Variants in HMGCLL1 observed in about 807,000 individuals in gnomAD.
The protein encoded by HMGCLL1 is 3-hydroxy-3-methylglutaryl-CoA lyase like 1.
HMGCLL1 carries 36 observed loss-of-function variants against 39.1 expected under a neutral mutation model. The ratio of observed to expected loss-of-function variants is 0.92; its 90% CI spans 0.71 to 1.22. HMGCLL1 has a LOEUF of 1.22. Ranked by LOEUF, HMGCLL1 falls within the 50% of genes most tolerant of loss-of-function variation. The pLI, the probability that HMGCLL1 is intolerant of heterozygous loss-of-function variation, is 0.00. For synonymous variants in HMGCLL1, 149 were observed against 144.0 expected (o/e 1.03, Z -0.25); for missense variants, 451 against 416.5 (o/e 1.08, Z -0.72).
intron 3 of HMGCLL1, among the ~76,000 whole-genome samples, chr6:55,517,527 A>T (rs971514152): frequency 1.3e-5 from 2 of 152,200 alleles, no homozygotes; most frequent in East Asian, 3.9e-4. Flanking sequence ...TCAATATAGA[A>T]ATGCAGAAAA....
At chr6:55,505,060 T>C (rs921087470) in intron 5 of HMGCLL1, among the ~76,000 whole-genome samples, 37 of 151,812 alleles carry the variant, frequency 2.4e-4, no homozygotes, top group Admixed American at 7.2e-4. Context: ...AATTGTTTTA[T>C]TTGTATTTGT....
intron 7 of HMGCLL1, among the ~76,000 whole-genome samples, chr6:55,444,647 T>G (rs1254257891): frequency 6.6e-6 from 1 of 152,030 alleles, no homozygotes; most frequent in Non-Finnish European, 1.5e-5. Flanking sequence ...TGATCATGGG[T>G]GCTATGATTA....
intron 1 of HMGCLL1, among the ~76,000 whole-genome samples, chr6:55,542,405 A>C (rs1248752460): frequency 6.6e-6 from 1 of 152,116 alleles, no homozygotes; most frequent in Non-Finnish European, 1.5e-5. Flanking sequence ...AGAATAATTG[A>C]TTTACTCAGG....
intron 7 of HMGCLL1, among the ~76,000 whole-genome samples, chr6:55,477,262 T>A (rs1366063134): frequency 1.4e-4 from 3 of 21,724 alleles, no homozygotes; most frequent in African/African-American, 9.4e-4. Flanking sequence ...ATAATATATA[T>A]TATATAATAT....
At chr6:55,535,444 AC>A (rs1487806248) in intron 3 of HMGCLL1, among the ~76,000 whole-genome samples, 3 of 152,176 alleles carry the variant, frequency 2.0e-5, no homozygotes, top group Admixed American at 1.3e-4. Flanking sequence ...TATGTGGAAG[AC>A]CCACAGTTGC....
At chr6:55,505,704 GA>G (rs960320333) in intron 5 of HMGCLL1, among the ~76,000 whole-genome samples, 5 of 151,302 alleles carry the variant, frequency 3.3e-5, no homozygotes, top group African/African-American at 4.8e-5. Flanking sequence ...GCAAAGTTTA[GA>G]AAAAAAATTT....
intron 3 of HMGCLL1, among the ~76,000 whole-genome samples, chr6:55,517,060 C>G (rs973295002): frequency 6.6e-6 from 1 of 152,006 alleles, no homozygotes; most frequent in Non-Finnish European, 1.5e-5. Flanking sequence ...TTCTTTAGAA[C>G]AGTTTAACAA....
At chr6:55,616,753 A>T in the HMGCLL1 span, among the ~76,000 whole-genome samples, 6 of 152,128 alleles carry the variant, frequency 3.9e-5, no homozygotes. Context: ...AAAACAATTT[A>T]AAAAATTAAA....
the HMGCLL1 span, among the ~76,000 whole-genome samples, chr6:55,587,105 A>T: frequency 2.0e-5 from 3 of 152,126 alleles, no homozygotes; most frequent in African/African-American, 7.2e-5. Context: ...GTGAGATGGT[A>T]TCTCAATGTG....
chr6:55,550,435 G>C (rs1334957613), intron 1 of HMGCLL1, among the ~76,000 whole-genome samples: 1 of 151,862 alleles, frequency 6.6e-6, no homozygotes, highest in Non-Finnish European at 1.5e-5. Context: ...ACTCACTGAA[G>C]CCTCTGTTGT....
intron 7 of HMGCLL1, among the ~76,000 whole-genome samples, chr6:55,456,167 C>A (rs1764311837): frequency 6.6e-6 from 1 of 152,290 alleles, no homozygotes; most frequent in African/African-American, 2.4e-5. Context: ...AGACAAAACT[C>A]TTAAAACATT....
At chr6:55,646,465 T>C in the HMGCLL1 span, among the ~76,000 whole-genome samples, 1 of 151,852 alleles carries the variant, frequency 6.6e-6, no homozygotes, top group African/African-American at 2.4e-5. Flanking sequence ...TTTCTAGCTC[T>C]TCAGGATGCA....
chr6:55,438,767 A>G (rs1043372610), intron 8 of HMGCLL1, among the ~76,000 whole-genome samples: 1 of 152,126 alleles, frequency 6.6e-6, no homozygotes, highest in Non-Finnish European at 1.5e-5. Context: ...ATTATTTTAC[A>G]TCTCAGAAAT....
At chr6:55,607,208 C>A in the HMGCLL1 span, among the ~76,000 whole-genome samples, 1 of 151,966 alleles carries the variant, frequency 6.6e-6, no homozygotes, top group South Asian at 2.1e-4. Context: ...GTTAATTTTT[C>A]CTGTTAAAAA....
chr6:55,533,393 C>T (rs1271461531), intron 3 of HMGCLL1, among the ~76,000 whole-genome samples: 4 of 152,056 alleles, frequency 2.6e-5, no homozygotes, highest in Admixed American at 6.5e-5. Flanking sequence ...AACACGGCAA[C>T]TTAAAATAAT....
intron 1 of HMGCLL1, chr6:55,566,637 T>C (rs146345312): frequency 1.5e-5 from 7 of 456,046 alleles, no homozygotes; most frequent in African/African-American, 1.2e-4. Context: ...TCCTGTAAAA[T>C]AGAGTCATGT....
At chr6:55,641,888 T>G in the HMGCLL1 span, among the ~76,000 whole-genome samples, 1 of 116,904 alleles carries the variant, frequency 8.6e-6, no homozygotes, top group Non-Finnish European at 1.8e-5. Flanking sequence ...TTTTATTTAT[T>G]TATTTATTTA....
chr6:55,493,836 C>T (rs1308465097), intron 7 of HMGCLL1, among the ~76,000 whole-genome samples: 1 of 151,968 alleles, frequency 6.6e-6, no homozygotes. Flanking sequence ...AGGTTCACGC[C>T]GTTCTCCTGC....
upstream of HMGCLL1, chr6:55,579,239 G>A (rs1771926288): frequency 1.7e-6 from 1 of 598,346 alleles, no homozygotes; most frequent in East Asian, 2.8e-5. Flanking sequence ...GTGGCAGGTG[G>A]CCGCGCCTGG....
Sources: gnomAD v4.1 joint callset for allele counts (sites outside exome capture counted in the v4.1 genomes callset) on GRCh38, gnomAD v4.1.1 for gene constraint, MANE v1.5 for transcripts, NCBI Gene and HGNC (gene_info 2026-07-23, HGNC 2026-07-21) for gene names.